The following GRIP1 variants were observed in gnomAD, a reference collection of about 807,000 sequenced individuals.
The protein encoded by GRIP1 is glutamate receptor interacting protein 1.
GRIP1 carries 45 observed loss-of-function variants against 129.9 expected under a neutral mutation model. That is an observed-to-expected ratio of 0.35 (90% CI 0.27 to 0.44). The LOEUF is 0.44. GRIP1 is among the 20% of genes least tolerant of loss of function. The pLI, the probability that GRIP1 is intolerant of heterozygous loss-of-function variation, is 1.00. For synonymous variants in GRIP1, 530 were observed against 520.8 expected, an observed-to-expected ratio of 1.02 and a Z score of -0.24; for missense variants, 1,196 against 1,396.8, an observed-to-expected ratio of 0.86 and a Z score of 2.29.
chr12:66,369,090 G>A (rs1031571667), intron 23 of GRIP1, among the ~76,000 whole-genome samples: 6 of 152,116 alleles, frequency 3.9e-5, no homozygotes, highest in African/African-American at 1.2e-4. Flanking sequence ...GCCTTATTTT[G>A]TTGGGGATCA....
chr12:66,581,360 C>G (rs1002281701), intron 2 of GRIP1, among the ~76,000 whole-genome samples: 2 of 150,854 alleles, frequency 1.3e-5, no homozygotes, highest in Admixed American at 1.3e-4. Context: ...AAAGCAAGAG[C>G]AAACACATTC....
chr12:67,010,554 T>C (rs987459774), intron 1 of GRIP1, among the ~76,000 whole-genome samples: 9 of 152,172 alleles, frequency 5.9e-5, no homozygotes, highest in African/African-American at 2.2e-4. Flanking sequence ...CATGCTAGAA[T>C]ATACTTAGGG....
intron 2 of GRIP1, among the ~76,000 whole-genome samples, chr12:66,586,351 C>G (rs1390111218): frequency 1.3e-5 from 2 of 152,184 alleles, no homozygotes; most frequent in African/African-American, 4.8e-5. Context: ...TTCCAGGGTA[C>G]TACATTCTCC....
chr12:67,001,397 C>T (rs1338776289), intron 1 of GRIP1, among the ~76,000 whole-genome samples: 1 of 152,136 alleles, frequency 6.6e-6, no homozygotes, highest in Non-Finnish European at 1.5e-5. Context: ...GGATGCAAGG[C>T]AATAAATATT....
At chr12:67,060,824 CAAAAAAA>C (rs11300344) in intron 1 of GRIP1, among the ~76,000 whole-genome samples, 1 of 104,774 alleles carries the variant, frequency 9.5e-6, no homozygotes, top group Admixed American at 1.0e-4. Context: ...AACTCCGTCT[CAAAAAAA>C]AAAAAAAAAA....
At chr12:66,650,461 C>T (rs1565941748) in intron 1 of GRIP1, among the ~76,000 whole-genome samples, 1 of 152,092 alleles carries the variant, frequency 6.6e-6, no homozygotes, top group South Asian at 2.1e-4. Context: ...TGTGAGTATG[C>T]TATGTTATGG....
intron 1 of GRIP1, among the ~76,000 whole-genome samples, chr12:66,817,202 GCA>G (rs57507955): frequency 0.087 from 11,784 of 136,048 alleles, 486 homozygotes; most frequent in East Asian, 0.18. Context: ...TTTTCAGTAT[GCA>G]CACACACACA....
At chr12:66,843,017 A>C (rs955984902) in intron 1 of GRIP1, among the ~76,000 whole-genome samples, 5 of 152,168 alleles carry the variant, frequency 3.3e-5, no homozygotes, top group African/African-American at 4.8e-5. Context: ...CATCTGTTTA[A>C]AAGAGCTTTA....
At chr12:66,587,329 C>A (rs1429533503) in intron 2 of GRIP1, among the ~76,000 whole-genome samples, 6 of 152,252 alleles carry the variant, frequency 3.9e-5, no homozygotes, top group African/African-American at 1.4e-4. Flanking sequence ...GGAGGCCAAC[C>A]TTGGCCTTTG....
chr12:66,991,133 C>T (rs1431749649), intron 1 of GRIP1, among the ~76,000 whole-genome samples: 2 of 151,262 alleles, frequency 1.3e-5, no homozygotes, highest in African/African-American at 2.4e-5. Flanking sequence ...ATTAGCCAGG[C>T]GAGGTGGTGG....
At chr12:66,520,491 T>C (rs1260207097) in intron 5 of GRIP1, among the ~76,000 whole-genome samples, 1 of 152,224 alleles carries the variant, frequency 6.6e-6, no homozygotes, top group Admixed American at 6.5e-5. Context: ...TATTGTAACT[T>C]AAGTTTTTTA....
chr12:66,435,165 T>C (rs1329883226), intron 13 of GRIP1, among the ~76,000 whole-genome samples: 1 of 151,418 alleles, frequency 6.6e-6, no homozygotes, highest in Non-Finnish European at 1.5e-5. Flanking sequence ...GCATGAAGCA[T>C]CACTATTTGT....
At chr12:66,379,641 G>A (rs2056006052) in intron 19 of GRIP1, among the ~76,000 whole-genome samples, 1 of 152,156 alleles carries the variant, frequency 6.6e-6, no homozygotes, top group Non-Finnish European at 1.5e-5. Context: ...ATCTTTGGAG[G>A]TAGATACTCC....
In GRIP1 at chr12:66,974,069, C is replaced by T. The variant is rs1004389540; in HGVS notation, c.58+94981G>A. Among the ~76,000 whole-genome samples the T allele has an allele frequency of 8.6e-5, 13 of 151,750 alleles. No homozygotes were observed. The South Asian group carries it at 2.3e-3, about 27-fold the overall frequency. On this transcript the variant is annotated intron_variant, in intron 1 of 1. Transcript: ENST00000643019. Reference sequence around the variant, plus strand: ...CTCCTGAGTAGGTGGGGATTACAGGCGCCTGCCAACACGCCCAACTAATTT... The same window carrying T: ...CTCCTGAGTAGGTGGGGATTACAGGTGCCTGCCAACACGCCCAACTAATTT...
intron 1 of GRIP1, among the ~76,000 whole-genome samples, chr12:66,966,667 T>C (rs996641951): frequency 1.3e-5 from 2 of 152,238 alleles, no homozygotes; most frequent in Non-Finnish European, 2.9e-5. Context: ...AGTATTTATC[T>C]TTGTAAAATG....
At chr12:66,581,818 C>T (rs2063394957) in intron 2 of GRIP1, among the ~76,000 whole-genome samples, 2 of 152,070 alleles carry the variant, frequency 1.3e-5, no homozygotes, top group African/African-American at 2.4e-5. Flanking sequence ...CCGAATTCTA[C>T]CAGAGGTACA....
At chr12:66,737,014 A>G (rs1416444618) in intron 1 of GRIP1, among the ~76,000 whole-genome samples, 1 of 151,660 alleles carries the variant, frequency 6.6e-6, no homozygotes, top group Non-Finnish European at 1.5e-5. Flanking sequence ...ATTTTCAGGT[A>G]CAGCTGCGAA....
chr12:66,817,800 A>G (rs1286557722), intron 1 of GRIP1, among the ~76,000 whole-genome samples: 1 of 152,220 alleles, frequency 6.6e-6, no homozygotes, highest in Non-Finnish European at 1.5e-5. Flanking sequence ...ATGAAAAATA[A>G]CTACATTTCT....
Position 66,707,066 on chromosome 12 carries a change from TA to T in GRIP1, c.-419-76731del, listed in dbSNP as rs532239186. Among the ~76,000 whole-genome samples the T allele has an allele frequency of 9.9e-4, 151 of 152,064 alleles. 1 individual carries two copies. Among genetic ancestry groups the T allele is most frequent in the African/African-American group, 3.4e-3 (143 of 41,524 alleles). On this transcript the variant is annotated intron_variant, in intron 1 of 4. Transcript: ENST00000538373. ...CAAACAAAAATCTATTTAAGATTTTTAAAAAATGTTCTTTAGTAGGGAAAAA... is the reference window on the plus strand; with the variant it reads ...CAAACAAAAATCTATTTAAGATTTTTAAAAATGTTCTTTAGTAGGGAAAAA...
Sources: gnomAD v4.1 joint callset for allele counts (sites outside exome capture counted in the v4.1 genomes callset) on GRCh38, gnomAD v4.1.1 for gene constraint, MANE v1.5 for transcripts, NCBI Gene and HGNC (gene_info 2026-07-23, HGNC 2026-07-21) for gene names.